Variants in SHCBP1L observed in about 807,000 individuals in gnomAD.
The protein encoded by SHCBP1L is testicular spindle-associated protein SHCBP1L.
SHCBP1L carries 67 observed loss-of-function variants against 62.5 expected under a neutral mutation model. The ratio of observed to expected loss-of-function variants is 1.07; its 90% CI spans 0.88 to 1.31. The LOEUF (loss-of-function observed/expected upper bound fraction) is 1.31. SHCBP1L is among the 40% of genes most tolerant of loss of function. The pLI, the probability that SHCBP1L is intolerant of heterozygous loss-of-function variation, is 0.00. For missense variants in SHCBP1L, 823 were observed against 809.8 expected, an observed-to-expected ratio of 1.02 and a Z score of -0.20; for synonymous variants, 284 against 289.4, an observed-to-expected ratio of 0.98 and a Z score of 0.19.
In SHCBP1L at chr1:182,951,330, A is replaced by G. The variant is rs11555585; in HGVS notation, c.543T>C (p.Gly181=). 0.015 allele frequency: 23,224 copies of G among 1,569,490 alleles called. 734 individuals are homozygous for G. The highest frequency in any genetic ancestry group is 0.11 in the African/African-American group (8,293 of 73,266). Residue 181 remains glycine, a synonymous_variant, in exon 2 of 10, where the codon GGT becomes GGC. Coordinates refer to ENST00000367547, the MANE Select transcript of SHCBP1L (RefSeq NM_030933.4). ...KYEEASIPFV[G]ILVEVTCEPY... ...AAAATTTATTTACCTCAACCAATAT[A>G]CCAACAAAAGGGATAGAAGCTTCTT...
intron 6 of SHCBP1L, among the ~76,000 whole-genome samples, chr1:182,919,459 A>C (rs1480947692): frequency 6.6e-6 from 1 of 152,154 alleles, no homozygotes; most frequent in African/African-American, 2.4e-5. Context: ...ATCCTCTTGA[A>C]ATACCTCCCA....
intron 6 of SHCBP1L, among the ~76,000 whole-genome samples, chr1:182,928,665 ATTG>A (rs1220673085): frequency 6.6e-6 from 1 of 152,126 alleles, no homozygotes; most frequent in Non-Finnish European, 1.5e-5. Context: ...CTCCCAGAAA[ATTG>A]TTATTAGCAA....
intron 6 of SHCBP1L, among the ~76,000 whole-genome samples, chr1:182,913,436 A>G (rs1404994881): frequency 6.6e-6 from 1 of 152,198 alleles, no homozygotes; most frequent in Non-Finnish European, 1.5e-5. Context: ...TGGCAGGGAG[A>G]AAGCCCCACA....
chr1:182,904,290 A>C lies in SHCBP1L; in HGVS notation c.1477T>G (p.Ser493Ala). 1 of 1,614,058 alleles carries C rather than the reference A, an allele frequency of 6.2e-7. No individual in the cohort carries two copies. The highest frequency in any genetic ancestry group is 8.5e-7 in the Non-Finnish European group (1 of 1,180,020). The part of the protein sequence containing the change: ...GTVDGIVVVE[S>A]GHMTLENCIL... The stretch of plus-strand genomic sequence containing the variant: ...CAGTTTTCTAGAGTCATGTGACCAG[A>C]CTCCACCACCACGATACCATCAACC... Residue 493 changes from serine to alanine, a missense_variant, in exon 8 of 10, where the codon TCT (serine) becomes GCT (alanine). Physicochemically the swap from Ser to Ala is moderately conservative, Grantham distance 99. Transcript: ENST00000367547.
At chr1:182,915,152 A>G (rs1160326279) in intron 6 of SHCBP1L, among the ~76,000 whole-genome samples, 1 of 118,592 alleles carries the variant, frequency 8.4e-6, no homozygotes, top group East Asian at 2.8e-4. Flanking sequence ...ACAGAGGCAG[A>G]CTCTGTCTCA....
intron 6 of SHCBP1L, 100 bp downstream of exon 6, chr1:182,929,547 G>A: frequency 1.6e-6 from 1 of 607,834 alleles, no homozygotes; most frequent in Non-Finnish European, 2.7e-6. Context: ...GAGAAAATAA[G>A]GCATTAATGA....
chr1:182,934,905 T>A (rs1040804728), intron 5 of SHCBP1L, among the ~76,000 whole-genome samples: 1 of 152,170 alleles, frequency 6.6e-6, no homozygotes, highest in Non-Finnish European at 1.5e-5. Flanking sequence ...GCACCATTTG[T>A]TGAAGAGAAT....
At chr1:182,936,263 G>A (rs1005898067) in intron 5 of SHCBP1L, among the ~76,000 whole-genome samples, 2 of 149,678 alleles carry the variant, frequency 1.3e-5, no homozygotes, top group Non-Finnish European at 3.0e-5. Flanking sequence ...AGCCTCCTGA[G>A]TAGCTGGGAT....
At chr1:182,938,541 G>A (rs969472054) in intron 5 of SHCBP1L, among the ~76,000 whole-genome samples, 7 of 152,074 alleles carry the variant, frequency 4.6e-5, no homozygotes, top group African/African-American at 1.7e-4. Context: ...GCTTACTGCA[G>A]CCTCAAACTC....
At chr1:182,926,329 C>T (rs1250910490) in intron 6 of SHCBP1L, among the ~76,000 whole-genome samples, 1 of 152,088 alleles carries the variant, frequency 6.6e-6, no homozygotes, top group Non-Finnish European at 1.5e-5. Flanking sequence ...CTTTGTACTT[C>T]GTATATTTTC....
At chr1:182,924,145 C>T (rs1650601904) in intron 6 of SHCBP1L, among the ~76,000 whole-genome samples, 1 of 152,082 alleles carries the variant, frequency 6.6e-6, no homozygotes, top group South Asian at 2.1e-4. Context: ...AATGGCCACA[C>T]ACACAAAATA....
intron 2 of SHCBP1L, among the ~76,000 whole-genome samples, chr1:182,945,810 A>G (rs1323957770): frequency 6.6e-6 from 1 of 152,214 alleles, no homozygotes; most frequent in African/African-American, 2.4e-5. Context: ...CTGTAATCCC[A>G]GCACTTTGGG....
chr1:182,943,116 T>G (rs1430523383), intron 2 of SHCBP1L, among the ~76,000 whole-genome samples: 1 of 151,984 alleles, frequency 6.6e-6, no homozygotes, highest in East Asian at 1.9e-4. Flanking sequence ...AATATTTTAG[T>G]TCTCTCTCTT....
intron 6 of SHCBP1L, among the ~76,000 whole-genome samples, chr1:182,928,822 G>C (rs1650866434): frequency 6.6e-6 from 1 of 152,100 alleles, no homozygotes; most frequent in African/African-American, 2.4e-5. Context: ...TAGGCAGTTG[G>C]ACACATAGGT....
At chr1:182,909,750 T>C (rs1246252081) in intron 6 of SHCBP1L, among the ~76,000 whole-genome samples, 4 of 152,190 alleles carry the variant, frequency 2.6e-5, no homozygotes, top group Non-Finnish European at 4.4e-5. Context: ...AATCTCTGTC[T>C]ATACTGAGGG....
At chr1:182,914,814 C>G (rs1033714330) in intron 6 of SHCBP1L, among the ~76,000 whole-genome samples, 1 of 151,904 alleles carries the variant, frequency 6.6e-6, no homozygotes, top group Non-Finnish European at 1.5e-5. Context: ...ATTAAGATCA[C>G]CAATTAAAAA....
intron 2 of SHCBP1L, among the ~76,000 whole-genome samples, chr1:182,947,131 G>A (rs1008632813): frequency 6.6e-6 from 1 of 151,972 alleles, no homozygotes; most frequent in African/African-American, 2.4e-5. Context: ...CAGCTACTCA[G>A]GAGGCTGAGG....
intron 2 of SHCBP1L, among the ~76,000 whole-genome samples, chr1:182,949,181 C>G (rs1651667483): frequency 6.6e-6 from 1 of 151,710 alleles, no homozygotes; most frequent in African/African-American, 2.4e-5. Context: ...ATGGAGAGAG[C>G]TGCTAAGACA....
At chr1:182,934,443 G>A (rs1248371654) in intron 5 of SHCBP1L, among the ~76,000 whole-genome samples, 1 of 152,124 alleles carries the variant, frequency 6.6e-6, no homozygotes, top group East Asian at 1.9e-4. Context: ...AATGACAAAT[G>A]AGGTTGAGCA....
Sources: gnomAD v4.1 joint callset for allele counts (sites outside exome capture counted in the v4.1 genomes callset) on GRCh38, gnomAD v4.1.1 for gene constraint, MANE v1.5 for transcripts, NCBI Gene and HGNC (gene_info 2026-07-23, HGNC 2026-07-21) for gene names.